Variants in RACGAP1 observed in about 807,000 individuals in gnomAD.
The protein encoded by RACGAP1 is rac GTPase-activating protein 1.
RACGAP1 carries 30 observed loss-of-function variants against 78.1 expected under a neutral mutation model. The observed-to-expected ratio is 0.38, with a 90% CI of 0.29 to 0.52. The LOEUF (loss-of-function observed/expected upper bound fraction) is 0.52, where lower values mean the gene tolerates loss of function less well. RACGAP1 is among the 20% of genes least tolerant of loss of function. The pLI is 0.82. For missense variants in RACGAP1, 587 were observed against 777.1 expected, an observed-to-expected ratio of 0.76 and a Z score of 2.91; for synonymous variants, 231 against 264.8, an observed-to-expected ratio of 0.87 and a Z score of 1.24.
intron 15 of RACGAP1, 99 bp from the exon 16 acceptor site, chr12:49,990,891 GCTAA>G: frequency 2.4e-6 from 2 of 835,076 alleles, no homozygotes; most frequent in Non-Finnish European, 3.9e-6. Context: ...GCACTTAAGA[GCTAA>G]GGTTAGACAT....
chr12:49,992,677 C>G, intron 12 of RACGAP1, 22 bp from the exon 13 acceptor site: 1 of 1,586,322 alleles, frequency 6.3e-7, no homozygotes, highest in Non-Finnish European at 8.6e-7. Flanking sequence ...AAGAAAGCAC[C>G]AAGAGGCCTA....
rs1285174208 is a variant in RACGAP1 at position 49,990,745 on chromosome 12, T to A, written c.1762A>T (p.Thr588Ser). Residue 588 changes from threonine to serine, a missense_variant, in exon 16 of 17, where the codon ACT (threonine) becomes TCT (serine). Physicochemically the swap from Thr to Ser is moderately conservative, Grantham distance 58. Coordinates refer to ENST00000312377, the MANE Select transcript of RACGAP1 (RefSeq NM_001319999.2). ...VTTPEHQLLK[T>S]PSSSSLSQRV... ...TGTGACAGGGAACTAGATGAAGGAG[T>A]CTTGAGAAGCTGATGTTCAGGAGTG... 1 of 1,613,750 alleles carries A rather than the reference T, an allele frequency of 6.2e-7. No homozygotes were observed. Among genetic ancestry groups the A allele is most frequent in the Admixed American group, 1.7e-5 (1 of 59,962 alleles).
intron 1 of RACGAP1, among the ~76,000 whole-genome samples, chr12:50,032,701 G>A (rs1950346402): frequency 6.6e-6 from 1 of 152,194 alleles, no homozygotes; most frequent in Admixed American, 6.5e-5. Context: ...GTGCCAGAAA[G>A]CTTGGGTTCG....
Position 49,989,402 on chromosome 12 carries a change from T to C in RACGAP1, c.*866A>G, listed in dbSNP as rs928522391. 2 of 152,178 alleles carry C rather than the reference T, an allele frequency of 1.3e-5. No homozygotes were observed. Among genetic ancestry groups the C allele is most frequent in the African/African-American group, 4.8e-5 (2 of 41,420 alleles). The allele number at this position is 152,178 out of a possible 1,614,324, so 9.4% of individuals were successfully genotyped here. A position where few individuals can be genotyped will look rare whatever the true frequency, so the allele number is the denominator to read the frequency against. ...CTGTAGCTTTTCTTACCACAAAATA[T>C]TGACAATCTTCCCTTATAGCCTACT... On this transcript the variant is annotated 3_prime_UTR_variant, in exon 17 of 17. Transcript: ENST00000312377.
At chr12:49,996,641 AAAAAAAAAAAAAAAAAAAAAAAAAAAAT>A (rs1948294378) in intron 10 of RACGAP1, among the ~76,000 whole-genome samples, 4 of 119,226 alleles carry the variant, frequency 3.4e-5, no homozygotes, top group African/African-American at 9.3e-5. Flanking sequence ...AAAAAAAAAA[AAAAAAAAAAAAAAAAAAAAAAAAAAAAT>A]GGACACAAGT....
At chr12:50,018,970 A>G (rs1241316799) in intron 1 of RACGAP1, among the ~76,000 whole-genome samples, 2 of 151,630 alleles carry the variant, frequency 1.3e-5, no homozygotes, top group Non-Finnish European at 2.9e-5. Context: ...GCCTCCTGAC[A>G]CTGTTCTACT....
At chr12:50,013,530 T>C (rs1314390568) in intron 2 of RACGAP1, among the ~76,000 whole-genome samples, 1 of 152,220 alleles carries the variant, frequency 6.6e-6, no homozygotes, top group African/African-American at 2.4e-5. Context: ...AGGGCTGTTA[T>C]TGCCTCTTTC....
intron 2 of RACGAP1, among the ~76,000 whole-genome samples, chr12:50,015,696 G>A (rs1949625090): frequency 6.6e-6 from 1 of 151,866 alleles, no homozygotes; most frequent in African/African-American, 2.4e-5. Context: ...CAGCTACTCA[G>A]GAGGCTGAGG....
At chr12:50,021,850 G>C (rs972039440) in intron 1 of RACGAP1, among the ~76,000 whole-genome samples, 4 of 152,140 alleles carry the variant, frequency 2.6e-5, no homozygotes, top group Non-Finnish European at 5.9e-5. Context: ...TCCTTTCATA[G>C]GAACACATTT....
Position 50,021,650 on chromosome 12 carries a change from T to C in RACGAP1, c.-5+3748A>G, listed in dbSNP as rs17124316. Among the ~76,000 whole-genome samples the C allele has an allele frequency of 3.3e-3, 497 of 152,328 alleles. 19 individuals are homozygous for C. The East Asian group carries it at 0.078, about 24-fold the overall frequency. The stretch of plus-strand genomic sequence containing the variant: ...TAAGAGACCTATATATCAGGTTTTT[T>C]AGATGCATCAAGGGTGTTAAATACT... On this transcript the variant is annotated intron_variant, in intron 1 of 16. Coordinates refer to ENST00000312377, the MANE Select transcript of RACGAP1 (RefSeq NM_001319999.2).
At chr12:49,996,423 G>C (rs961691078) in intron 10 of RACGAP1, among the ~76,000 whole-genome samples, 4 of 151,702 alleles carry the variant, frequency 2.6e-5, no homozygotes, top group Admixed American at 6.6e-5. Context: ...GAGGTCAGGA[G>C]CTTGAGACCA....
At chr12:50,000,883 A>G (rs570348069) in intron 7 of RACGAP1, among the ~76,000 whole-genome samples, 1 of 152,238 alleles carries the variant, frequency 6.6e-6, no homozygotes, top group African/African-American at 2.4e-5. Flanking sequence ...CCCTGTCTCT[A>G]CTAAAAATAC....
At chr12:49,999,856 T>TA (rs1169617425) in intron 7 of RACGAP1, 123 bp from the exon 8 acceptor site, 1 of 716,952 alleles carries the variant, frequency 1.4e-6, no homozygotes, top group Non-Finnish European at 2.4e-6. Context: ...CCCAGTCTGA[T>TA]ACTTTTTTTT....
chr12:49,999,084 G>C, intron 9 of RACGAP1, 57 bp downstream of exon 9: 1 of 1,518,172 alleles, frequency 6.6e-7, no homozygotes, highest in Non-Finnish European at 8.8e-7. Flanking sequence ...TTTATTCCTG[G>C]TATTTATTAC....
intron 10 of RACGAP1, among the ~76,000 whole-genome samples, chr12:49,995,786 C>T (rs933824334): frequency 1.3e-5 from 2 of 152,160 alleles, no homozygotes; most frequent in African/African-American, 2.4e-5. Context: ...TGAGCTACCA[C>T]ACTCAGCAAT....
chr12:50,021,940 C>T (rs1159808048), intron 1 of RACGAP1, among the ~76,000 whole-genome samples: 1 of 152,146 alleles, frequency 6.6e-6, no homozygotes, highest in Non-Finnish European at 1.5e-5. Flanking sequence ...ATACAACTGG[C>T]GGACAGAAGG....
chr12:49,995,928 C>T (rs1184210010), intron 10 of RACGAP1, among the ~76,000 whole-genome samples: 1 of 152,030 alleles, frequency 6.6e-6, no homozygotes, highest in Non-Finnish European at 1.5e-5. Context: ...AATTTTATCA[C>T]AGATAAAATT....
In RACGAP1 at chr12:49,992,263, G is replaced by A. The variant is rs781749292; in HGVS notation, c.1560C>T (p.Asp520=). ...TGCCTACCTTGGGTTGACGCTTGAT[G>A]TCCTGTAACATTGTCACTGGGTCTG... The part of the protein sequence containing the change: ...PNPDPVTMLQ[D]IKRQPKVVER... Residue 520 remains aspartate (D), a synonymous_variant, in exon 14 of 17, where the codon GAC becomes GAT. Coordinates refer to ENST00000312377, the MANE Select transcript of RACGAP1 (RefSeq NM_001319999.2). The A allele has an allele frequency of 6.2e-7, 1 of 1,614,146 alleles. No individual in the cohort carries two copies. The highest frequency in any genetic ancestry group is 1.7e-5 in the Admixed American group (1 of 60,016).
In RACGAP1 at chr12:50,005,304, G is replaced by A. The variant is rs779817518; in HGVS notation, c.377C>T (p.Ala126Val). 6 of 1,614,230 alleles carry A rather than the reference G, an allele frequency of 3.7e-6. No homozygotes were observed. The highest frequency in any genetic ancestry group is 5.1e-6 in the Non-Finnish European group (6 of 1,180,028). Residue 126 changes from alanine (A) to valine (V), a missense_variant, in exon 4 of 17, where the codon GCT becomes GTT. By Grantham distance (64) the Ala-to-Val change is moderately conservative (BLOSUM62 0). Coordinates refer to ENST00000312377, the MANE Select transcript of RACGAP1 (RefSeq NM_001319999.2). ...QLSEEQKSAL[A>V]FLNRGQPSSS... The stretch of plus-strand genomic sequence containing the variant: ...GGATGGTTGGCCTCTGTTGAGAAAA[G>A]CCAGAGCTGATTTTTGCTCCTCGCT...
Sources: allele counts gnomAD v4.1 joint callset (sites outside exome capture counted in the v4.1 genomes callset), GRCh38; gene constraint gnomAD v4.1.1; transcripts MANE v1.5; gene names NCBI Gene and HGNC (gene_info 2026-07-23, HGNC 2026-07-21).